Variants in PROSER2 observed in about 807,000 individuals in gnomAD.
The protein encoded by PROSER2 is proline and serine-rich protein 2.
In PROSER2, 18 loss-of-function variants were observed where a neutral mutation model predicts 14.6. That is an observed-to-expected ratio of 1.23 (90% CI 0.85 to 1.83). The LOEUF (loss-of-function observed/expected upper bound fraction) is 1.83, where lower values mean the gene tolerates loss of function less well. Among genes scored for constraint, PROSER2 ranks in the 40% most tolerant of loss-of-function variants. PROSER2 has a pLI of 0.00. For synonymous variants in PROSER2, 367 were observed against 286.4 expected (o/e 1.28, Z -2.84); for missense variants, 823 against 629.8 (o/e 1.31, Z -3.28).
chr10:11,851,766 A>C (rs565377284), intron 1 of PROSER2: 32 of 189,988 alleles, frequency 1.7e-4, no homozygotes, highest in East Asian at 4.9e-4. Flanking sequence ...TCTGAAAAAA[A>C]AACAACAACA....
chr10:11,843,845 C>T (rs1833885390), intron 1 of PROSER2, among the ~76,000 whole-genome samples: 1 of 151,438 alleles, frequency 6.6e-6, no homozygotes, highest in Non-Finnish European at 1.5e-5. Context: ...GAGTGAAACT[C>T]CATCTCAAAA....
chr10:11,840,815 A>T (rs912235852), intron 1 of PROSER2, among the ~76,000 whole-genome samples: 2 of 149,408 alleles, frequency 1.3e-5, no homozygotes, highest in African/African-American at 4.9e-5. Flanking sequence ...ATCCCAGCTA[A>T]TTGGGAGGCT....
chr10:11,856,665 G>T lies in PROSER2; in HGVS notation c.138+4450G>T, dbSNP rs137863581. On this transcript the variant is annotated intron_variant, in intron 2 of 3. Coordinates refer to ENST00000277570, the MANE Select transcript of PROSER2 (RefSeq NM_153256.4). The surrounding 1 kb of genome is among the most constrained non-coding windows in gnomAD (Gnocchi z 5.3). ...AATCCCCCTCTCCCTACGCCCACAA[G>T]TGCTGTGGCCCTGAAGTCACACAGC... Among the ~76,000 whole-genome samples the T allele has an allele frequency of 6.6e-6, 1 of 152,196 alleles. No individual in the cohort carries two copies. The highest frequency in any genetic ancestry group is 1.5e-5 in the Non-Finnish European group (1 of 68,034).
chr10:11,850,317 C>G (rs1564307652), intron 1 of PROSER2: 1 of 152,418 alleles, frequency 6.6e-6, no homozygotes, highest in African/African-American at 2.4e-5. Context: ...CAATGTGGCT[C>G]TGGCGTTTGG....
rs771570228 is a variant in PROSER2 at position 11,869,525 on chromosome 10, G to A, written c.427G>A (p.Asp143Asn). Residue 143 changes from aspartate (D) to asparagine (N), a missense_variant, in exon 4 of 4, where the codon GAT (aspartate) becomes AAT (asparagine). Coordinates refer to ENST00000277570, the MANE Select transcript of PROSER2 (RefSeq NM_153256.4). This position sits in a 1 kb window ranked among gnomAD's most constrained non-coding sequence, Gnocchi z 4.4. ...APAGKEHRKQ[D>N]AETPPPPDPP... is the part of the protein sequence containing the mutation. The stretch of plus-strand genomic sequence containing the variant: ...TGCTGGGAAGGAGCACAGGAAACAA[G>A]ATGCTGAGACTCCTCCACCTCCAGA... 5.6e-6 allele frequency: 9 copies of A among 1,613,728 alleles called. No homozygotes were observed. The African/African-American group carries it at 9.4e-5, about 17-fold the overall frequency.
At position 11,837,212 on chromosome 10, in the gene PROSER2, A is replaced by AG. The variant is rs1187468935; in HGVS notation, c.-82+13743dup. Among the ~76,000 whole-genome samples the AG allele has an allele frequency of 6.6e-6, 1 of 152,238 alleles. No individual in the cohort carries two copies. Among genetic ancestry groups the AG allele is most frequent in the Non-Finnish European group, 1.5e-5 (1 of 68,042 alleles). On this transcript the variant is annotated intron_variant, in intron 1 of 3. Coordinates refer to ENST00000277570, the MANE Select transcript of PROSER2 (RefSeq NM_153256.4). The surrounding 1 kb of genome is among the most constrained non-coding windows in gnomAD (Gnocchi z 4.6). ...GATGTGAAAGTTCTGAACTTGGAGA[A>AG]GAAAAAAAAATCAAATGCTGAGGTC...
chr10:11,852,294 T>C (rs1379178944), intron 2 of PROSER2, 79 bp downstream of exon 2: 2 of 1,443,302 alleles, frequency 1.4e-6, no homozygotes, highest in Non-Finnish European at 1.9e-6. Flanking sequence ...CTTGAAGGAA[T>C]ATTTTACCAG....
Position 11,852,210 on chromosome 10 carries a change from A to C in PROSER2, c.133A>C (p.Thr45Pro). 1 of 1,603,156 alleles carries C rather than the reference A, an allele frequency of 6.2e-7. No homozygotes were observed. The highest frequency in any genetic ancestry group is 1.1e-5 in the South Asian group (1 of 89,696). Residue 45 changes from threonine (T) to proline (P), a missense_variant, in exon 2 of 4, where the codon ACT becomes CCT. Coordinates refer to ENST00000277570, the MANE Select transcript of PROSER2 (RefSeq NM_153256.4). ...CAGCAGCTCTCGCTCCAGAAGCTTC[A>C]CTTTGGTGAGTGACAGTTTTTCTTT... The part of the protein sequence containing the change: ...RSSSSRSRSF[T>P]LDDESLKYLT...
At chr10:11,868,233 A>G (rs1027227639) in intron 3 of PROSER2, among the ~76,000 whole-genome samples, 1 of 152,252 alleles carries the variant, frequency 6.6e-6, no homozygotes, top group African/African-American at 2.4e-5. Flanking sequence ...TTGAAAAATC[A>G]GCTACACCTG....
chr10:11,833,885 C>T (rs1171767863), intron 1 of PROSER2, among the ~76,000 whole-genome samples: 5 of 150,468 alleles, frequency 3.3e-5, no homozygotes, highest in African/African-American at 1.2e-4. Flanking sequence ...GTCACGAAGG[C>T]TTGACCATGT....
In PROSER2 at chr10:11,838,444, A is replaced by C. The variant is rs1286577383; in HGVS notation, c.-81-13553A>C. Among the ~76,000 whole-genome samples, 1 of 152,062 alleles carries C rather than the reference A, an allele frequency of 6.6e-6. No homozygotes were observed. The highest frequency in any genetic ancestry group is 1.9e-4 in the East Asian group (1 of 5,192). ...AGGCGAAGAACCTGGACTGCCACCA[A>C]CTCTTCTCAACAGCAGGCAACACTG... is the stretch of plus-strand genomic sequence containing the variant. On this transcript the variant is annotated intron_variant, in intron 1 of 3. Transcript: ENST00000277570. The surrounding 1 kb of genome is among the most constrained non-coding windows in gnomAD (Gnocchi z 4.4).
chr10:11,825,664 G>A (rs1441787867), intron 1 of PROSER2, among the ~76,000 whole-genome samples: 1 of 152,214 alleles, frequency 6.6e-6, no homozygotes, highest in Non-Finnish European at 1.5e-5. Context: ...TAGACTGGCA[G>A]CATTCATCTT....
At position 11,866,516 on chromosome 10, in the gene PROSER2, A is replaced by C. The variant is rs1368796750; in HGVS notation, c.139-15A>C. ...GTTTGTTTTCTCTCTTCTGTTCCCA[A>C]TCCCTGTACTCTAGGATGATGAGAG... is the stretch of plus-strand genomic sequence containing the variant. On this transcript the variant is annotated splice_polypyrimidine_tract_variant and intron_variant, in intron 2 of 3. Transcript: ENST00000277570. This position sits in a 1 kb window ranked among gnomAD's most constrained non-coding sequence, Gnocchi z 6.0. The C allele has an allele frequency of 3.1e-6, 5 of 1,612,768 alleles. No individual in the cohort carries two copies. The highest frequency in any genetic ancestry group is 1.7e-5 in the Admixed American group (1 of 59,856).
intron 2 of PROSER2, among the ~76,000 whole-genome samples, chr10:11,853,554 T>C (rs992665634): frequency 2.0e-5 from 3 of 152,104 alleles, no homozygotes; most frequent in African/African-American, 4.8e-5. Flanking sequence ...GCCACTGCAC[T>C]CCAGGCTGGG....
In PROSER2 at chr10:11,837,623, T is replaced by G. The variant is rs942657469; in HGVS notation, c.-82+14153T>G. 6.6e-6 allele frequency among the ~76,000 whole-genome samples: 1 copy of G among 152,212 alleles called. No individual in the cohort carries two copies. Among genetic ancestry groups the G allele is most frequent in the African/African-American group, 2.4e-5 (1 of 41,436 alleles). On this transcript the variant is annotated intron_variant, in intron 1 of 3. Transcript: ENST00000277570. The surrounding 1 kb of genome is among the most constrained non-coding windows in gnomAD (Gnocchi z 4.6). ...CAAGATTGGTTCTACATCACTTGGT[T>G]AAGGGGAATAATTTTTCCATTCACG...
rs758596112 is a variant in PROSER2 at position 11,869,477 on chromosome 10, C to T, written c.392-13C>T. 5.0e-6 allele frequency: 8 copies of T among 1,607,446 alleles called. No homozygotes were observed. Among genetic ancestry groups the T allele is most frequent in the Middle Eastern group, 1.7e-4 (1 of 6,044 alleles). ...TGGGCCGGTGGCTCACAGGCTCCTC[C>T]CTTGTCTTCCAGGGCCTGCACCTGC... On this transcript the variant is annotated splice_polypyrimidine_tract_variant and intron_variant, in intron 3 of 3. Coordinates refer to ENST00000277570, the MANE Select transcript of PROSER2 (RefSeq NM_153256.4). This position sits in a 1 kb window ranked among gnomAD's most constrained non-coding sequence, Gnocchi z 4.4.
chr10:11,869,530 T>C lies in PROSER2; in HGVS notation c.432T>C (p.Ala144=). 6.2e-7 allele frequency: 1 copy of C among 1,613,764 alleles called. No individual in the cohort carries two copies. Among genetic ancestry groups the C allele is most frequent in the Non-Finnish European group, 8.5e-7 (1 of 1,179,810 alleles). ...PAGKEHRKQD[A]ETPPPPDPPA... is the part of the protein sequence containing the mutation. ...GGAAGGAGCACAGGAAACAAGATGC[T>C]GAGACTCCTCCACCTCCAGACCCCC... Residue 144 remains alanine (A), a synonymous_variant, in exon 4 of 4, where the codon GCT becomes GCC. Transcript: ENST00000277570. The surrounding 1 kb of genome is among the most constrained non-coding windows in gnomAD (Gnocchi z 4.4).
At chr10:11,853,310 G>A (rs926419481) in intron 2 of PROSER2, among the ~76,000 whole-genome samples, 5 of 152,142 alleles carry the variant, frequency 3.3e-5, no homozygotes, top group Non-Finnish European at 7.3e-5. Flanking sequence ...TTGATTGGCC[G>A]GGCACAGTGG....
chr10:11,852,173 G>A lies in PROSER2; in HGVS notation c.96G>A (p.Leu32=), dbSNP rs1265183440. The A allele has an allele frequency of 6.8e-6, 11 of 1,613,124 alleles. No individual in the cohort carries two copies. The Admixed American group carries it at 8.4e-5, about 12-fold the overall frequency. ...GAGCCTTCAGCAGAGGCGGCAGCCT[G>A]GAGAGTCGAAGCAGCAGCTCTCGCT... ...RLRAFSRGGS[L]ESRSSSSRSR... The change falls in exon 2 of 4, where the codon CTG becomes CTA. Residue 32 remains leucine (L), a synonymous_variant. Transcript: ENST00000277570.
Sources: allele counts gnomAD v4.1 joint callset (sites outside exome capture counted in the v4.1 genomes callset), GRCh38; gene constraint gnomAD v4.1.1; non-coding constraint Gnocchi (gnomAD v3.1); transcripts MANE v1.5; gene names NCBI Gene and HGNC (gene_info 2026-07-23, HGNC 2026-07-21).